ITPR1: variants seen among roughly 807,000 people sequenced by gnomAD.
ITPR1 encodes the protein inositol 1,4,5-trisphosphate receptor type 1.
Under a neutral mutation model 318.4 loss-of-function variants are expected in ITPR1, and 96 were observed. That is an observed-to-expected ratio of 0.30 (90% CI 0.26 to 0.36). The LOEUF is 0.36. Among genes scored for constraint, ITPR1 ranks in the 10% least tolerant of loss-of-function variants. The pLI is 1.00. For missense variants in ITPR1, 2,440 were observed against 3,460.2 expected (o/e 0.71, Z 7.40); for synonymous variants, 1,312 against 1,289.9 (o/e 1.02, Z -0.37).
At chr3:4,776,994 C>T (rs2046525595) in intron 47 of ITPR1, among the ~76,000 whole-genome samples, 1 of 152,310 alleles carries the variant, frequency 6.6e-6, no homozygotes, top group African/African-American at 2.4e-5. Flanking sequence ...GAACAAAAGC[C>T]AACTGTGCTG....
chr3:4,717,323 TC>T, intron 39 of ITPR1, 43 bp from the exon 40 acceptor site: 1 of 1,513,352 alleles, frequency 6.6e-7, no homozygotes, highest in Non-Finnish European at 9.1e-7. Flanking sequence ...GTATTTCCTT[TC>T]CTAACATTTC....
Position 4,732,236 on chromosome 3 carries a change from C to T in ITPR1, c.5221-852C>T, listed in dbSNP as rs145522752. Among the ~76,000 whole-genome samples the T allele has an allele frequency of 3.9e-3, 588 of 152,242 alleles. 7 individuals are homozygous for T. The highest frequency in any genetic ancestry group is 0.013 in the African/African-American group (558 of 41,538). On this transcript the variant is annotated intron_variant, in intron 42 of 61. Coordinates refer to ENST00000649015, the MANE Select transcript of ITPR1 (RefSeq NM_001378452.1). ...GAGGTTTTTTTGGTTAGAGTAATAA[C>T]AAAGAGTTACTATATCCCTGTTCAG...
chr3:4,704,601 C>T (rs927117751), intron 36 of ITPR1, among the ~76,000 whole-genome samples: 1 of 151,946 alleles, frequency 6.6e-6, no homozygotes, highest in Non-Finnish European at 1.5e-5. Flanking sequence ...CCAAAGGAAA[C>T]GTAGGAGGAA....
At chr3:4,839,973 T>TTGA (rs1176694887) in intron 61 of ITPR1, among the ~76,000 whole-genome samples, 1 of 151,450 alleles carries the variant, frequency 6.6e-6, no homozygotes, top group Non-Finnish European at 1.5e-5. Context: ...TTTACCAGGA[T>TTGA]TGATCTACTT....
rs574052429 is a variant in ITPR1 at position 4,496,365 on chromosome 3, G to T, written c.-17+1859G>T. Among the ~76,000 whole-genome samples the T allele has an allele frequency of 1.6e-4, 24 of 152,092 alleles. No individual in the cohort carries two copies. In the South Asian group the frequency reaches 4.8e-3, roughly 30 times the overall value. On this transcript the variant is annotated intron_variant, in intron 2 of 61. Transcript: ENST00000649015. ...CATATGTACACTGAAAGTACAATCTGCTCTTTGAATAATTCAAATCAGAAC... is the reference window on the plus strand; with the variant it reads ...CATATGTACACTGAAAGTACAATCTTCTCTTTGAATAATTCAAATCAGAAC...
intron 4 of ITPR1, among the ~76,000 whole-genome samples, chr3:4,566,721 T>C (rs2087322605): frequency 6.6e-6 from 1 of 151,894 alleles, no homozygotes; most frequent in South Asian, 2.1e-4. Flanking sequence ...TCCTCCACCT[T>C]CCCTTCATTG....
At chr3:4,663,350 C>A (rs982453630) in intron 16 of ITPR1, 144 bp downstream of exon 16, 1 of 598,254 alleles carries the variant, frequency 1.7e-6, no homozygotes, top group South Asian at 3.0e-5. Flanking sequence ...TTGCAGTGAG[C>A]TGATCGCATC....
chr3:4,721,312 A>G (rs1003998985), intron 40 of ITPR1, among the ~76,000 whole-genome samples: 10 of 151,880 alleles, frequency 6.6e-5, no homozygotes, highest in Admixed American at 1.3e-4. Flanking sequence ...AGCTTGTCCT[A>G]TAAACTGTAG....
intron 61 of ITPR1, among the ~76,000 whole-genome samples, chr3:4,839,507 G>A (rs768483485): frequency 8.6e-5 from 13 of 151,998 alleles, no homozygotes; most frequent in Non-Finnish European, 1.9e-4. Flanking sequence ...TATTTGCTTT[G>A]TTATGTCACT....
chr3:4,536,460 G>T (rs557747061), intron 4 of ITPR1, among the ~76,000 whole-genome samples: 1 of 152,166 alleles, frequency 6.6e-6, no homozygotes, highest in African/African-American at 2.4e-5. Context: ...TAGAAACACA[G>T]CCTCAAAGGT....
At chr3:4,813,510 G>A (rs970728528) in intron 57 of ITPR1, among the ~76,000 whole-genome samples, 2 of 152,160 alleles carry the variant, frequency 1.3e-5, no homozygotes, top group African/African-American at 2.4e-5. Context: ...GGTGCGGGCA[G>A]GCCAAATGGT....
intron 2 of ITPR1, among the ~76,000 whole-genome samples, chr3:4,507,049 A>G (rs565070867): frequency 6.6e-6 from 1 of 152,358 alleles, no homozygotes; most frequent in African/African-American, 2.4e-5. Flanking sequence ...ACATATTTTT[A>G]ATGAACAATA....
At chr3:4,782,045 G>T (rs2046871898) in intron 49 of ITPR1, among the ~76,000 whole-genome samples, 1 of 152,218 alleles carries the variant, frequency 6.6e-6, no homozygotes, top group South Asian at 2.1e-4. Context: ...TTTTTTGAAA[G>T]AATGTTAAAC....
chr3:4,545,915 T>A (rs2084949771), intron 4 of ITPR1, among the ~76,000 whole-genome samples: 1 of 152,054 alleles, frequency 6.6e-6, no homozygotes, highest in Non-Finnish European at 1.5e-5. Context: ...AAGGGTGGTT[T>A]TGAACTCCTG....
chr3:4,537,148 C>T (rs2083953003), intron 4 of ITPR1, among the ~76,000 whole-genome samples: 1 of 152,220 alleles, frequency 6.6e-6, no homozygotes, highest in Non-Finnish European at 1.5e-5. Flanking sequence ...TTATACCACA[C>T]TGAAAATGAG....
intron 4 of ITPR1, among the ~76,000 whole-genome samples, chr3:4,557,669 G>A (rs557759124): frequency 3.3e-5 from 5 of 152,266 alleles, no homozygotes; most frequent in African/African-American, 1.2e-4. Context: ...ACTTGGCATT[G>A]TTTGTAAACT....
chr3:4,613,864 GA>G (rs888066822), intron 4 of ITPR1, among the ~76,000 whole-genome samples: 4 of 152,068 alleles, frequency 2.6e-5, no homozygotes, highest in African/African-American at 9.7e-5. Context: ...TAGCTGGATG[GA>G]ATTTTGCATA....
intron 52 of ITPR1, among the ~76,000 whole-genome samples, chr3:4,791,459 A>G (rs13070473): frequency 0.43 from 65,750 of 151,960 alleles, 14,885 homozygotes; most frequent in Non-Finnish European, 0.49. Flanking sequence ...AATAGGGTTC[A>G]CACTCCTGTG....
At chr3:4,667,273 G>C in intron 17 of ITPR1, 104 bp from the exon 18 acceptor site, 1 of 828,444 alleles carries the variant, frequency 1.2e-6, no homozygotes, top group Middle Eastern at 3.5e-4. Context: ...TGTCTCTTAG[G>C]GGCAGTAGTT....
Sources: gnomAD v4.1 joint callset for allele counts (sites outside exome capture counted in the v4.1 genomes callset) on GRCh38, gnomAD v4.1.1 for gene constraint, MANE v1.5 for transcripts, NCBI Gene and HGNC (gene_info 2026-07-23, HGNC 2026-07-21) for gene names.